PCBD2: variants seen among roughly 807,000 people sequenced by gnomAD.
PCBD2 encodes pterin-4-alpha-carbinolamine dehydratase 2.
Under a neutral mutation model 16.4 loss-of-function variants are expected in PCBD2, and 12 were observed. The ratio of observed to expected loss-of-function variants is 0.73; its 90% CI spans 0.47 to 1.19. The LOEUF (loss-of-function observed/expected upper bound fraction) is 1.19, where lower values mean the gene tolerates loss of function less well. Ranked by LOEUF, PCBD2 falls within the 50% of genes most tolerant of loss-of-function variation. The pLI is 0.00. For synonymous variants in PCBD2, 58 were observed against 61.8 expected (o/e 0.94, Z 0.29); for missense variants, 138 against 156.8 (o/e 0.88, Z 0.64).
intron 2 of PCBD2, chr5:134,924,274 T>A: frequency 2.5e-6 from 1 of 394,762 alleles, no homozygotes; most frequent in Non-Finnish European, 4.5e-6. Context: ...GGAGGTTACA[T>A]GGGTTTAATG....
At position 134,952,455 on chromosome 5, in the gene PCBD2, G is replaced by T. The variant is rs113447593; in HGVS notation, c.217-6585G>T. 4.7e-4 allele frequency among the ~76,000 whole-genome samples: 71 copies of T among 152,252 alleles called. 1 individual carries two copies. Among genetic ancestry groups the T allele is most frequent in the African/African-American group, 1.7e-3 (70 of 41,538 alleles). ...TTTAGAGTTTAAAGTATAGCAATTAGCTCTACCTTTAAAATTATGTTTGTT... is the reference window on the plus strand; with the variant it reads ...TTTAGAGTTTAAAGTATAGCAATTATCTCTACCTTTAAAATTATGTTTGTT... On this transcript the variant is annotated intron_variant, in intron 2 of 3. Transcript: ENST00000254908.
intron 2 of PCBD2, among the ~76,000 whole-genome samples, chr5:134,943,066 AAG>A (rs1751248002): frequency 6.6e-6 from 1 of 152,204 alleles, no homozygotes; most frequent in Non-Finnish European, 1.5e-5. Flanking sequence ...GCATAAGTGT[AAG>A]AGTTTCCATA....
chr5:134,944,138 T>C (rs1337781718), intron 2 of PCBD2, among the ~76,000 whole-genome samples: 3 of 152,230 alleles, frequency 2.0e-5, no homozygotes, highest in Non-Finnish European at 2.9e-5. Context: ...ATCTGCCGAA[T>C]GCACATGTGT....
intron 2 of PCBD2, among the ~76,000 whole-genome samples, chr5:134,946,052 A>G (rs1164645473): frequency 1.3e-5 from 2 of 151,382 alleles, no homozygotes; most frequent in African/African-American, 4.8e-5. Flanking sequence ...TTCTTTAACA[A>G]ATAATTAAAA....
At chr5:134,932,764 G>A (rs1251463407) in intron 2 of PCBD2, among the ~76,000 whole-genome samples, 4 of 152,110 alleles carry the variant, frequency 2.6e-5, no homozygotes, top group African/African-American at 7.2e-5. Context: ...GATTACAGGC[G>A]AGAGTCACCA....
chr5:134,924,753 G>T (rs1750963503), intron 2 of PCBD2: 1 of 395,042 alleles, frequency 2.5e-6, no homozygotes. Context: ...CGGAGATTTG[G>T]TGTTGTGAGA....
At chr5:134,957,183 C>T (rs756347422) in intron 2 of PCBD2, among the ~76,000 whole-genome samples, 14 of 152,116 alleles carry the variant, frequency 9.2e-5, no homozygotes, top group East Asian at 5.8e-4. Context: ...CGCTTCAATC[C>T]GGGATGCAAA....
chr5:134,959,725 C>A (rs534686876), intron 3 of PCBD2, among the ~76,000 whole-genome samples: 10 of 152,086 alleles, frequency 6.6e-5, no homozygotes, highest in Non-Finnish European at 1.2e-4. Context: ...ACAATACTCA[C>A]GTGACTTAAT....
chr5:134,956,715 A>G (rs1211471195), intron 2 of PCBD2, among the ~76,000 whole-genome samples: 2 of 152,230 alleles, frequency 1.3e-5, no homozygotes, highest in African/African-American at 4.8e-5. Context: ...GAAAAAGGAA[A>G]GAGCCATTCT....
At chr5:134,926,828 T>TAAATATGTAGA (rs1169017204) in intron 2 of PCBD2, 14 of 398,176 alleles carry the variant, frequency 3.5e-5, no homozygotes, top group African/African-American at 2.9e-4. Flanking sequence ...AGTATAGGGC[T>TAAATATGTAGA]GTGATTAGTA....
intron 2 of PCBD2, among the ~76,000 whole-genome samples, chr5:134,917,789 A>T (rs576234383): frequency 6.6e-6 from 1 of 152,304 alleles, no homozygotes; most frequent in African/African-American, 2.4e-5. Context: ...CAGCAGTAGC[A>T]CCATATGTGA....
chr5:134,917,643 G>A (rs1238520273), intron 2 of PCBD2, among the ~76,000 whole-genome samples: 3 of 152,184 alleles, frequency 2.0e-5, no homozygotes, highest in African/African-American at 7.2e-5. Flanking sequence ...AAGCTTTATT[G>A]GTTTTGTATC....
rs1052025681 is a variant in PCBD2 at position 134,953,033 on chromosome 5, G to GTT, written c.217-5997_217-5996dup. Among the ~76,000 whole-genome samples the GTT allele has an allele frequency of 6.9e-3, 1,008 of 145,348 alleles. 8 individuals are homozygous for GTT. The highest frequency in any genetic ancestry group is 0.024 in the African/African-American group (967 of 39,938). ...CCTGTTCAATATAATTTATTAACAA[G>GTT]TTTTTTTTTTTGCATTTGCTTATGT... On this transcript the variant is annotated intron_variant, in intron 2 of 3. Coordinates refer to ENST00000254908, the MANE Select transcript of PCBD2 (RefSeq NM_032151.5).
intron 2 of PCBD2, chr5:134,924,609 GGT>G (rs1374773168): frequency 2.5e-6 from 1 of 398,512 alleles, no homozygotes; most frequent in Admixed American, 4.4e-5. Context: ...ATTGTTTGTT[GGT>G]GTGTATATTG....
chr5:134,940,866 A>G (rs1751217870), intron 2 of PCBD2, among the ~76,000 whole-genome samples: 1 of 152,056 alleles, frequency 6.6e-6, no homozygotes, highest in Non-Finnish European at 1.5e-5. Context: ...ATGGTGGTTC[A>G]CGCCTGTAAT....
At chr5:134,905,599 C>G (rs181737140) in intron 1 of PCBD2, 156 of 188,662 alleles carry the variant, frequency 8.3e-4, no homozygotes, top group African/African-American at 3.5e-3. Flanking sequence ...GCGGGCCTGG[C>G]TCCCTATGGC....
intron 3 of PCBD2, among the ~76,000 whole-genome samples, chr5:134,960,081 T>C (rs1751458683): frequency 6.6e-6 from 1 of 151,998 alleles, no homozygotes; most frequent in African/African-American, 2.4e-5. Flanking sequence ...GGTTTCACCA[T>C]GTTGGCCAGG....
chr5:134,923,763 A>C (rs1580881972), intron 2 of PCBD2: 1 of 392,624 alleles, frequency 2.5e-6, no homozygotes, highest in East Asian at 3.6e-5. Context: ...GCCGATGTGT[A>C]GGAAGAGGCA....
rs759888231 is a variant in PCBD2 at position 134,908,819 on chromosome 5, CTT to C, written c.85-1515_85-1514del. ...TCTAAAGGTAAAATCTTTTTCCTCT[CTT>C]AATATTAGTGATAAATGATTTTGGG... On this transcript the variant is annotated intron_variant, in intron 1 of 3. Coordinates refer to ENST00000254908, the MANE Select transcript of PCBD2 (RefSeq NM_032151.5). 7.2e-5 allele frequency: 11 copies of C among 152,214 alleles called. 1 individual carries two copies. Among genetic ancestry groups the C allele is most frequent in the South Asian group, 4.1e-4 (2 of 4,830 alleles). 9.4% of individuals were successfully genotyped at this position (152,214 alleles called of 1,614,324 possible).
Sources: gnomAD v4.1 joint callset for allele counts (sites outside exome capture counted in the v4.1 genomes callset) on GRCh38, gnomAD v4.1.1 for gene constraint, MANE v1.5 for transcripts, NCBI Gene and HGNC (gene_info 2026-07-23, HGNC 2026-07-21) for gene names.